Variants in ZFPM2 observed in about 807,000 individuals in gnomAD.
The protein encoded by ZFPM2 is zinc finger protein, FOG family member 2.
ZFPM2 carries 20 observed loss-of-function variants against 98.6 expected under a neutral mutation model. The ratio of observed to expected loss-of-function variants is 0.20; its 90% CI spans 0.14 to 0.29. The LOEUF (loss-of-function observed/expected upper bound fraction) is 0.29, where lower values mean the gene tolerates loss of function less well. ZFPM2 is among the 10% of genes least tolerant of loss of function. The pLI is 1.00. For synonymous variants in ZFPM2, 518 were observed against 502.7 expected (o/e 1.03, Z -0.41); for missense variants, 1,310 against 1,388.6 (o/e 0.94, Z 0.90).
chr8:105,520,211 A>C (rs1814020777), intron 3 of ZFPM2, among the ~76,000 whole-genome samples: 1 of 148,288 alleles, frequency 6.7e-6, no homozygotes, highest in Non-Finnish European at 1.5e-5. Flanking sequence ...CAAGTACAGA[A>C]AGGCCAGTTC....
At position 105,491,463 on chromosome 8, in the gene ZFPM2, G is replaced by A. The variant is rs112065136; in HGVS notation, c.301+47082G>A. ...AAACCATGGATAAAGACATGTTGCC[G>A]GATCATCATTCCGTTTATCACAGTG... On this transcript the variant is annotated intron_variant, in intron 3 of 7. Coordinates refer to ENST00000407775, the MANE Select transcript of ZFPM2 (RefSeq NM_012082.4). Among the ~76,000 whole-genome samples the A allele has an allele frequency of 6.0e-3, 915 of 152,200 alleles. 5 individuals carry two copies. Among genetic ancestry groups the A allele is most frequent in the Non-Finnish European group, 9.6e-3 (653 of 67,990 alleles).
chr8:105,397,457 T>C (rs1002598643), intron 1 of ZFPM2, among the ~76,000 whole-genome samples: 7 of 152,196 alleles, frequency 4.6e-5, no homozygotes, highest in African/African-American at 1.7e-4. Context: ...TTTAAATTCA[T>C]GTTTTTCAGT....
intron 4 of ZFPM2, among the ~76,000 whole-genome samples, chr8:105,626,201 G>C (rs780679335): frequency 1.3e-5 from 2 of 152,074 alleles, no homozygotes; most frequent in African/African-American, 2.4e-5. Context: ...TGAGACTCTA[G>C]ACCATGCCAG....
At chr8:105,664,183 T>C (rs1187934686) in intron 5 of ZFPM2, among the ~76,000 whole-genome samples, 5 of 152,232 alleles carry the variant, frequency 3.3e-5, no homozygotes, top group East Asian at 1.9e-4. Flanking sequence ...TTACAATTCA[T>C]TGGTCTCTCT....
chr8:105,598,509 G>A (rs1327243489), intron 4 of ZFPM2, among the ~76,000 whole-genome samples: 1 of 151,934 alleles, frequency 6.6e-6, no homozygotes, highest in African/African-American at 2.4e-5. Context: ...TTACCAACCA[G>A]GTAGAAGAGT....
intron 5 of ZFPM2, among the ~76,000 whole-genome samples, chr8:105,647,097 G>T (rs1024144951): frequency 6.6e-6 from 1 of 152,094 alleles, no homozygotes; most frequent in Admixed American, 6.6e-5. Context: ...GATCTGTTTT[G>T]GGATTCTGCA....
intron 3 of ZFPM2, among the ~76,000 whole-genome samples, chr8:105,486,451 C>T (rs1181466796): frequency 1.3e-5 from 2 of 151,850 alleles, no homozygotes; most frequent in Non-Finnish European, 2.9e-5. Flanking sequence ...CCTTCTAAAA[C>T]TCTGGAGGGT....
intron 1 of ZFPM2, among the ~76,000 whole-genome samples, chr8:105,366,626 G>A (rs1033836656): frequency 2.7e-5 from 4 of 150,552 alleles, no homozygotes; most frequent in South Asian, 2.1e-4. Flanking sequence ...CCACTAACTC[G>A]TCATCTAGCA....
intron 1 of ZFPM2, among the ~76,000 whole-genome samples, chr8:105,329,049 A>T (rs887491458): frequency 6.6e-6 from 1 of 151,900 alleles, no homozygotes; most frequent in Non-Finnish European, 1.5e-5. Context: ...ATATTTTGTC[A>T]TCAAGTTGCT....
At chr8:105,402,720 TA>T (rs201724621) in intron 1 of ZFPM2, among the ~76,000 whole-genome samples, 6 of 152,042 alleles carry the variant, frequency 3.9e-5, no homozygotes, top group Admixed American at 6.6e-5. Flanking sequence ...TTGACATTTA[TA>T]AAAAAAATCC....
At chr8:105,468,213 C>T (rs535850925) in intron 3 of ZFPM2, among the ~76,000 whole-genome samples, 2 of 151,916 alleles carry the variant, frequency 1.3e-5, no homozygotes, top group African/African-American at 4.8e-5. Context: ...CTTGTGTCTC[C>T]CTCAGGACTC....
At chr8:105,655,216 A>C (rs1160052790) in intron 5 of ZFPM2, among the ~76,000 whole-genome samples, 1 of 136,064 alleles carries the variant, frequency 7.3e-6, no homozygotes, top group Non-Finnish European at 1.6e-5. Context: ...ATTTTCTTGC[A>C]TTGAGTCTTT....
intron 3 of ZFPM2, among the ~76,000 whole-genome samples, chr8:105,481,871 A>G (rs1813126239): frequency 6.6e-6 from 1 of 152,224 alleles, no homozygotes; most frequent in Admixed American, 6.5e-5. Flanking sequence ...CAAGCTCAAA[A>G]TAACATCATC....
At chr8:105,650,187 A>G (rs571239191) in intron 5 of ZFPM2, among the ~76,000 whole-genome samples, 2 of 152,178 alleles carry the variant, frequency 1.3e-5, no homozygotes, top group African/African-American at 4.8e-5. Flanking sequence ...GTATTCTCTG[A>G]TGGTAGTTTG....
intron 3 of ZFPM2, among the ~76,000 whole-genome samples, chr8:105,559,821 A>G (rs931148784): frequency 6.6e-6 from 1 of 152,176 alleles, no homozygotes; most frequent in Non-Finnish European, 1.5e-5. Flanking sequence ...GAATCTATGT[A>G]TTTAAAGATA....
chr8:105,550,534 A>G (rs567130313), intron 3 of ZFPM2, among the ~76,000 whole-genome samples: 1 of 152,278 alleles, frequency 6.6e-6, no homozygotes, highest in East Asian at 1.9e-4. Context: ...TTTACTTCCT[A>G]TAGCCCTACC....
intron 1 of ZFPM2, among the ~76,000 whole-genome samples, chr8:105,397,959 G>C (rs1811256605): frequency 1.3e-5 from 2 of 152,054 alleles, no homozygotes; most frequent in Admixed American, 6.6e-5. Flanking sequence ...AGCTACATCA[G>C]ATCCTCATGG....
intron 5 of ZFPM2, among the ~76,000 whole-genome samples, chr8:105,650,832 G>A (rs1417420289): frequency 6.6e-6 from 1 of 152,168 alleles, no homozygotes; most frequent in East Asian, 1.9e-4. Context: ...GCGATGTGGT[G>A]CTGAGAAGAA....
intron 5 of ZFPM2, among the ~76,000 whole-genome samples, chr8:105,657,534 T>C (rs1817309148): frequency 6.6e-6 from 1 of 152,142 alleles, no homozygotes; most frequent in East Asian, 1.9e-4. Flanking sequence ...CAGAACTGCA[T>C]TGGAAAAATG....
Sources: allele counts gnomAD v4.1 joint callset (sites outside exome capture counted in the v4.1 genomes callset), GRCh38; gene constraint gnomAD v4.1.1; transcripts MANE v1.5; gene names NCBI Gene and HGNC (gene_info 2026-07-23, HGNC 2026-07-21).